The following PHLDB2 variants were observed in gnomAD, a reference collection of about 807,000 sequenced individuals.
PHLDB2 encodes the protein pleckstrin homology-like domain family B member 2.
A neutral mutation model predicts 123.6 loss-of-function variants in PHLDB2; 71 were observed. The observed-to-expected ratio is 0.57, with a 90% confidence interval of 0.47 to 0.70. The LOEUF (loss-of-function observed/expected upper bound fraction) is 0.70. PHLDB2 is among the 30% of genes least tolerant of loss of function. PHLDB2 has a pLI of 0.00. For synonymous variants in PHLDB2, 547 were observed against 541.6 expected (o/e 1.01, Z -0.14); for missense variants, 1,446 against 1,519.5 (o/e 0.95, Z 0.80).
upstream of PHLDB2, among the ~76,000 whole-genome samples, chr3:111,855,629 C>CTT (rs11368889): frequency 0.12 from 9,556 of 79,382 alleles, 350 homozygotes; most frequent in Non-Finnish European, 0.13. Flanking sequence ...CTGCATTTGT[C>CTT]TTTTTTTTTT....
intron 1 of PHLDB2, among the ~76,000 whole-genome samples, chr3:111,742,958 G>GA (rs2059628269): frequency 6.6e-6 from 1 of 152,150 alleles, no homozygotes; most frequent in Admixed American, 6.5e-5. Context: ...ATCTTATAGA[G>GA]AAAATGAACC....
intron 1 of PHLDB2, among the ~76,000 whole-genome samples, chr3:111,873,898 A>G (rs2108723532): frequency 6.6e-6 from 1 of 152,294 alleles, no homozygotes; most frequent in South Asian, 2.1e-4. Flanking sequence ...GGTGGTGGAG[A>G]CAGAAAAAGA....
intron 2 of PHLDB2, chr3:111,885,743 A>G (rs2066130015): frequency 4.9e-6 from 3 of 607,658 alleles, no homozygotes; most frequent in African/African-American, 1.9e-5. Context: ...TAAGACTATG[A>G]GGAAATGCTG....
In PHLDB2 at chr3:111,913,645, A is replaced by G. The variant is rs1193282433; in HGVS notation, c.1662A>G (p.Pro554=). ...LSDLTRTPPP[P]SSTFPKASSE... Reference sequence around the variant, plus strand: ...ACCTCACCCGGACTCCTCCACCACCATCCTCCACCTTTCCGAAAGCTTCCA... The same window carrying G: ...ACCTCACCCGGACTCCTCCACCACCGTCCTCCACCTTTCCGAAAGCTTCCA... Residue 554 remains proline, a synonymous_variant, in exon 3 of 18, where the codon CCA becomes CCG. Coordinates refer to ENST00000431670, the MANE Select transcript of PHLDB2 (RefSeq NM_001134438.2). 3.1e-6 allele frequency: 5 copies of G among 1,613,792 alleles called. No homozygotes were observed. Among genetic ancestry groups the G allele is most frequent in the Non-Finnish European group, 4.2e-6 (5 of 1,179,838 alleles).
Position 111,885,267 on chromosome 3 carries a change from G to C in PHLDB2, c.1190G>C (p.Ser397Thr). The C allele has an allele frequency of 2.5e-6, 4 of 1,614,196 alleles. No individual in the cohort carries two copies. Among genetic ancestry groups the C allele is most frequent in the Non-Finnish European group, 3.4e-6 (4 of 1,180,036 alleles). Residue 397 changes from serine to threonine, a missense_variant, in exon 2 of 18, where the codon AGC (serine) becomes ACC (threonine). Physicochemically the swap from Ser to Thr is moderately conservative, Grantham distance 58 (BLOSUM62 1). Transcript: ENST00000431670. ...GAATTTGATGAGGCAGATTTGGAAA[G>C]CCTCAGACAGGCCTCAGGAACCCCC... ...SVEFDEADLE[S>T]LRQASGTPQP...
intron 12 of PHLDB2, among the ~76,000 whole-genome samples, chr3:111,955,156 T>TATAC (rs1437444709): frequency 1.5e-4 from 22 of 149,492 alleles, no homozygotes; most frequent in African/African-American, 5.4e-4. Flanking sequence ...TATATATATA[T>TATAC]ATATCTCTCA....
At chr3:111,764,950 T>C (rs1204934479) in intron 1 of PHLDB2, among the ~76,000 whole-genome samples, 2 of 152,198 alleles carry the variant, frequency 1.3e-5, no homozygotes, top group Non-Finnish European at 2.9e-5. Context: ...GACATCACCA[T>C]GAAGAGGAAT....
intron 8 of PHLDB2, among the ~76,000 whole-genome samples, chr3:111,944,948 A>C (rs540590498): frequency 6.6e-6 from 1 of 152,222 alleles, no homozygotes; most frequent in Non-Finnish European, 1.5e-5. Context: ...TGGGGATTAC[A>C]GGCGTGAGCC....
Position 111,969,677 on chromosome 3 carries a change from T to C in PHLDB2, c.3316-13T>C. ...AATTAGCTATAGATGCAATGGGTTTTGCACTTTTCCAGGCTCGTCCTTTGA... is the reference window on the plus strand; with the variant it reads ...AATTAGCTATAGATGCAATGGGTTTCGCACTTTTCCAGGCTCGTCCTTTGA... On this transcript the variant is annotated splice_polypyrimidine_tract_variant and intron_variant, in intron 15 of 17. Coordinates refer to ENST00000431670, the MANE Select transcript of PHLDB2 (RefSeq NM_001134438.2). 6.2e-7 allele frequency: 1 copy of C among 1,608,930 alleles called. No homozygotes were observed.
intron 1 of PHLDB2, among the ~76,000 whole-genome samples, chr3:111,764,272 A>G (rs1340339051): frequency 6.6e-6 from 1 of 152,250 alleles, no homozygotes; most frequent in Non-Finnish European, 1.5e-5. Flanking sequence ...AACTGGTCAC[A>G]TGAACAAAGA....
At chr3:111,918,721 T>C (rs2068319822) in intron 3 of PHLDB2, among the ~76,000 whole-genome samples, 1 of 152,238 alleles carries the variant, frequency 6.6e-6, no homozygotes, top group African/African-American at 2.4e-5. Flanking sequence ...CTGTCAGTTC[T>C]AGTTCTCTGT....
chr3:111,746,457 A>G (rs2059683803), intron 1 of PHLDB2, among the ~76,000 whole-genome samples: 1 of 152,208 alleles, frequency 6.6e-6, no homozygotes, highest in Admixed American at 6.5e-5. Context: ...GTCCAGCATA[A>G]TGAATTAAAA....
chr3:111,877,812 A>G (rs1314486230), intron 1 of PHLDB2, among the ~76,000 whole-genome samples: 1 of 152,188 alleles, frequency 6.6e-6, no homozygotes, highest in African/African-American at 2.4e-5. Context: ...AACACCATTT[A>G]TTAAATAGGG....
chr3:111,859,496 C>A lies in PHLDB2; in HGVS notation c.-95C>A. On this transcript the variant is annotated 5_prime_UTR_variant, in exon 1 of 18. Coordinates refer to ENST00000431670, the MANE Select transcript of PHLDB2 (RefSeq NM_001134438.2). ...CCATTGCGGCCCGAGGGGGACCCGA[C>A]GGGGGCCCGACGGTGTGGCGTGGCG... 3 of 985,606 alleles carry A rather than the reference C, an allele frequency of 3.0e-6. No individual in the cohort carries two copies. The highest frequency in any genetic ancestry group is 3.6e-6 in the Non-Finnish European group (3 of 830,048). 61.1% of individuals were successfully genotyped at this position (985,606 alleles called of 1,614,324 possible). A position where few individuals can be genotyped will look rare whatever the true frequency, so the allele number is the denominator to read the frequency against.
rs1198105249 is a variant in PHLDB2, at chr3:111,952,687, C to G, written c.2747C>G (p.Thr916Ser). The change falls in exon 11 of 18, where the codon ACT becomes AGT. Residue 916 changes from threonine to serine, a missense_variant. Thr to Ser is a moderately conservative substitution (Grantham distance 58). Around this residue, in one of 3 missense-constraint regions of PHLDB2, gnomAD observed 594 missense variants for 646.0 expected, o/e 0.92. Transcript: ENST00000431670. ...ATCTCCCCACATTTCAGCAGTGCTA[C>G]TATGGGGAGAAGCATCACCCCAAAG... The part of the protein sequence containing the change: ...SSISPHFSSA[T>S]MGRSITPKAH... 1.2e-6 allele frequency: 2 copies of G among 1,613,542 alleles called. No individual in the cohort carries two copies. Among genetic ancestry groups the G allele is most frequent in the African/African-American group, 2.7e-5 (2 of 74,896 alleles).
intron 5 of PHLDB2, among the ~76,000 whole-genome samples, chr3:111,927,292 T>G (rs1272855212): frequency 6.6e-6 from 1 of 152,062 alleles, no homozygotes; most frequent in African/African-American, 2.4e-5. Context: ...TTTGAGAGGC[T>G]GAGGCAAGAG....
intron 1 of PHLDB2, among the ~76,000 whole-genome samples, chr3:111,881,989 G>A (rs532690178): frequency 9.9e-5 from 15 of 152,036 alleles, no homozygotes; most frequent in Non-Finnish European, 2.1e-4. Context: ...TATAATCCAT[G>A]TGTATGGGTG....
chr3:111,770,990 C>T (rs2060167421), intron 1 of PHLDB2, among the ~76,000 whole-genome samples: 1 of 151,998 alleles, frequency 6.6e-6, no homozygotes, highest in South Asian at 2.1e-4. Context: ...CGCCTCATGG[C>T]ATGCAGGGGT....
At chr3:111,864,695 G>T (rs909282922) in intron 1 of PHLDB2, among the ~76,000 whole-genome samples, 8 of 152,196 alleles carry the variant, frequency 5.3e-5, no homozygotes, top group Non-Finnish European at 1.5e-5. Context: ...GAGTAACAGG[G>T]TTAGTCAAAA....
Sources: allele counts gnomAD v4.1 joint callset (sites outside exome capture counted in the v4.1 genomes callset), GRCh38; gene constraint gnomAD v4.1.1; regional missense constraint gnomAD v4.1.1; transcripts MANE v1.5; gene names NCBI Gene and HGNC (gene_info 2026-07-23, HGNC 2026-07-21).